The following PCDHGA8 variants were observed in gnomAD, a reference collection of about 807,000 sequenced individuals.
PCDHGA8 encodes protocadherin gamma subfamily A, 8.
A neutral mutation model predicts 59.2 loss-of-function variants in PCDHGA8; 45 were observed. The ratio of observed to expected loss-of-function variants is 0.76; its 90% confidence interval spans 0.60 to 0.98. The LOEUF is 0.98. Ranked by LOEUF, PCDHGA8 falls within the 50% of genes least tolerant of loss-of-function variation. The pLI is 0.00. For synonymous variants in PCDHGA8, 531 were observed against 519.0 expected (o/e 1.02, Z -0.32); for missense variants, 1,257 against 1,196.2 (o/e 1.05, Z -0.75).
chr5:141,398,107 A>C, intron 1 of PCDHGA8: 1 of 1,595,524 alleles, frequency 6.3e-7, no homozygotes, highest in Non-Finnish European at 8.5e-7. Flanking sequence ...GCTGGTGAGC[A>C]AGCTGAGGAG....
At chr5:141,417,693 A>T in intron 1 of PCDHGA8, 1 of 1,091,256 alleles carries the variant, frequency 9.2e-7, no homozygotes, top group Non-Finnish European at 1.3e-6. Context: ...AAAGAAAACC[A>T]GCTCCCACAC....
chr5:141,418,542 T>A (rs1260030087), intron 1 of PCDHGA8: 1 of 1,614,028 alleles, frequency 6.2e-7, no homozygotes, highest in South Asian at 1.1e-5. Context: ...ACTGCTCAGA[T>A]AAGAATCCTG....
Position 141,477,203 on chromosome 5 carries a change from G to T in PCDHGA8, c.2425-17604G>T. On this transcript the variant is annotated intron_variant, in intron 1 of 3. Coordinates refer to ENST00000398604, the MANE Select transcript of PCDHGA8 (RefSeq NM_032088.2). The surrounding 1 kb of genome is among the most constrained non-coding windows in gnomAD (Gnocchi z 4.9). ...CACCTCCGTGTACAGCCCAGTACCC[G>T]AGGATGCCCCTCTGGGGACTGTCAT... 1 of 1,614,176 alleles carries T rather than the reference G, an allele frequency of 6.2e-7. No individual in the cohort carries two copies. The highest frequency in any genetic ancestry group is 1.1e-5 in the South Asian group (1 of 91,082).
intron 1 of PCDHGA8, chr5:141,440,759 C>T (rs1160288117): frequency 1.3e-5 from 2 of 152,158 alleles, no homozygotes; most frequent in Admixed American, 6.6e-5. Flanking sequence ...AAGCAGAGCT[C>T]CCATCCCTTA....
chr5:141,395,442 AG>A lies in PCDHGA8; in HGVS notation c.2424+206del, dbSNP rs1446210907. Reference sequence around the variant, plus strand: ...CATTTGCTTTTAAACGACTTGGAAAAGATTGTTCAACCATTTTAAGCCTTCC... The same window carrying A: ...CATTTGCTTTTAAACGACTTGGAAAAATTGTTCAACCATTTTAAGCCTTCC... On this transcript the variant is annotated intron_variant, in intron 1 of 3. Coordinates refer to ENST00000398604, the MANE Select transcript of PCDHGA8 (RefSeq NM_032088.2). 4 of 667,514 alleles carry A rather than the reference AG, an allele frequency of 6.0e-6. No homozygotes were observed. The East Asian group carries it at 1.2e-4, about 20-fold the overall frequency. 41.3% of individuals were successfully genotyped at this position (667,514 alleles called of 1,614,324 possible).
chr5:141,509,024 C>T (rs2099873840), intron 3 of PCDHGA8, among the ~76,000 whole-genome samples: 1 of 152,108 alleles, frequency 6.6e-6, no homozygotes, highest in African/African-American at 2.4e-5. Flanking sequence ...GCTGCTCCCT[C>T]CCACTCAACC....
intron 1 of PCDHGA8, among the ~76,000 whole-genome samples, chr5:141,468,306 C>T (rs1006015063): frequency 9.5e-6 from 1 of 105,260 alleles, no homozygotes; most frequent in African/African-American, 3.7e-5. Context: ...GCCTGGGCAA[C>T]AAGAGCAACG....
chr5:141,427,995 G>C (rs1292989797), intron 1 of PCDHGA8: 2 of 1,599,590 alleles, frequency 1.3e-6, no homozygotes, highest in African/African-American at 2.7e-5. Flanking sequence ...CGATGGCTCC[G>C]CACTCTTCGA....
chr5:141,427,304 C>T, intron 1 of PCDHGA8: 1 of 456,910 alleles, frequency 2.2e-6, no homozygotes, highest in Non-Finnish European at 4.4e-6. Flanking sequence ...ATGAGAATGA[C>T]AATGCCCCAG....
At chr5:141,398,023 G>C in intron 1 of PCDHGA8, 1 of 1,438,566 alleles carries the variant, frequency 7.0e-7, no homozygotes, top group Non-Finnish European at 9.3e-7. Context: ...TCCTAAACTG[G>C]AACTGGAACT....
intron 1 of PCDHGA8, chr5:141,427,957 C>G (rs770633827): frequency 1.3e-5 from 20 of 1,588,284 alleles, no homozygotes; most frequent in African/African-American, 2.7e-5. Flanking sequence ...GACAATGTGC[C>G]GCGGGTGCTG....
chr5:141,433,742 C>G (rs927651405), intron 1 of PCDHGA8, among the ~76,000 whole-genome samples: 1 of 150,826 alleles, frequency 6.6e-6, no homozygotes, highest in Non-Finnish European at 1.5e-5. Flanking sequence ...GAGGCTGAGT[C>G]AGGAGAATTG....
At chr5:141,409,163 G>A in intron 1 of PCDHGA8, 1 of 1,614,026 alleles carries the variant, frequency 6.2e-7, no homozygotes. Context: ...GGAAGTGGAA[G>A]CGAAGGACGG....
chr5:141,415,455 G>A (rs571718366), intron 1 of PCDHGA8: 2 of 1,614,186 alleles, frequency 1.2e-6, no homozygotes, highest in African/African-American at 1.3e-5. Context: ...ATTCCCACGA[G>A]GTCTCTCTCA....
intron 2 of PCDHGA8, 37 bp downstream of exon 2, chr5:141,494,902 C>T (rs2099757367): frequency 1.9e-6 from 3 of 1,614,024 alleles, no homozygotes; most frequent in Non-Finnish European, 2.5e-6. Flanking sequence ...CTCTTCTCTG[C>T]GGCATTTTCT....
chr5:141,442,232 T>A (rs1303447766), intron 1 of PCDHGA8: 2 of 153,276 alleles, frequency 1.3e-5, no homozygotes, highest in Non-Finnish European at 2.9e-5. Context: ...TTCCTTTTTA[T>A]TCTTCCTGAT....
chr5:141,506,760 G>A (rs1018086132), intron 3 of PCDHGA8, among the ~76,000 whole-genome samples: 1 of 152,128 alleles, frequency 6.6e-6, no homozygotes, highest in Non-Finnish European at 1.5e-5. Context: ...CTAGCTTCTG[G>A]AGCAGCAAAT....
chr5:141,474,412 C>T (rs1282336092), intron 1 of PCDHGA8, among the ~76,000 whole-genome samples: 2 of 152,220 alleles, frequency 1.3e-5, no homozygotes, highest in African/African-American at 2.4e-5. Context: ...CCGGTGATGC[C>T]TAGACCATTG....
At chr5:141,509,454 G>T (rs1164813611) in intron 3 of PCDHGA8, among the ~76,000 whole-genome samples, 2 of 151,976 alleles carry the variant, frequency 1.3e-5, no homozygotes, top group African/African-American at 2.4e-5. Flanking sequence ...TCCCACCCCC[G>T]ACCCAGTCAG....
Sources: gnomAD v4.1 joint callset for allele counts (sites outside exome capture counted in the v4.1 genomes callset) on GRCh38, gnomAD v4.1.1 for gene constraint, Gnocchi (gnomAD v3.1) non-coding constraint, MANE v1.5 for transcripts, NCBI Gene and HGNC (gene_info 2026-07-23, HGNC 2026-07-21) for gene names.